The following TAF4 variants were observed in gnomAD, a reference collection of about 807,000 sequenced individuals.
TAF4 encodes transcription initiation factor TFIID subunit 4.
In TAF4, 9 loss-of-function variants were observed where a neutral mutation model predicts 90.3. The observed-to-expected ratio is 0.10, with a 90% CI of 0.06 to 0.17. TAF4 has a LOEUF of 0.17. Ranked by LOEUF, TAF4 falls within the 10% of genes least tolerant of loss-of-function variation. TAF4 has a pLI of 1.00. For missense variants in TAF4, 1,351 were observed against 1,370.7 expected (o/e 0.99, Z 0.23); for synonymous variants, 818 against 638.9 (o/e 1.28, Z -4.23).
At chr20:62,041,454 C>T (rs1257453926) in intron 1 of TAF4, among the ~76,000 whole-genome samples, 2 of 151,978 alleles carry the variant, frequency 1.3e-5, no homozygotes, top group Non-Finnish European at 2.9e-5. Flanking sequence ...AGGGTGAAAC[C>T]CCATCTCTAC....
chr20:62,034,874 A>C (rs1291724124), intron 1 of TAF4, among the ~76,000 whole-genome samples: 1 of 146,420 alleles, frequency 6.8e-6, no homozygotes, highest in Non-Finnish European at 1.5e-5. Context: ...AGGCTGGAGT[A>C]CAGTGGCGCA....
intron 1 of TAF4, among the ~76,000 whole-genome samples, chr20:62,043,695 A>C (rs976868012): frequency 1.3e-5 from 2 of 152,110 alleles, no homozygotes; most frequent in African/African-American, 4.8e-5. Context: ...TCGTGTTACA[A>C]CTGTACACGT....
intron 9 of TAF4, among the ~76,000 whole-genome samples, chr20:62,002,526 T>G (rs1212384191): frequency 6.6e-6 from 1 of 152,322 alleles, no homozygotes; most frequent in African/African-American, 2.4e-5. Context: ...GGCCTCACTC[T>G]GTCACCGACG....
intron 1 of TAF4, among the ~76,000 whole-genome samples, chr20:62,021,298 T>C (rs976945752): frequency 1.3e-5 from 2 of 152,138 alleles, no homozygotes; most frequent in Non-Finnish European, 2.9e-5. Flanking sequence ...CCAGGAAACA[T>C]GGGACTGAAC....
At chr20:62,036,130 T>C (rs2055931495) in intron 1 of TAF4, among the ~76,000 whole-genome samples, 1 of 152,098 alleles carries the variant, frequency 6.6e-6, no homozygotes, top group Non-Finnish European at 1.5e-5. Flanking sequence ...TTCAAGCGAT[T>C]CTCCTGCCTC....
chr20:62,049,294 G>A (rs1373843793), intron 1 of TAF4, among the ~76,000 whole-genome samples: 1 of 152,166 alleles, frequency 6.6e-6, no homozygotes, highest in South Asian at 2.1e-4. Context: ...TGTCCAGGAA[G>A]TGGATCCCAA....
intron 5 of TAF4, among the ~76,000 whole-genome samples, chr20:62,008,535 G>C (rs2055760418): frequency 6.7e-6 from 1 of 150,222 alleles, no homozygotes; most frequent in East Asian, 2.0e-4. Context: ...CTGCGACAGA[G>C]GTTTCGGGAG....
chr20:61,998,438 T>A (rs1226538421), intron 12 of TAF4, among the ~76,000 whole-genome samples: 1 of 152,182 alleles, frequency 6.6e-6, no homozygotes, highest in African/African-American at 2.4e-5. Flanking sequence ...CATCTACCAA[T>A]CGCAGGCTCT....
At position 62,006,222 on chromosome 20, in the gene TAF4, G is replaced by A. The variant is rs559172892; in HGVS notation, c.2223+288C>T. The A allele has an allele frequency of 2.6e-5, 8 of 311,900 alleles. No homozygotes were observed. Among genetic ancestry groups the A allele is most frequent in the South Asian group, 2.9e-4 (2 of 6,840 alleles). 19.3% of individuals were successfully genotyped at this position (311,900 alleles called of 1,614,324 possible). On this transcript the variant is annotated intron_variant, in intron 7 of 14. Coordinates refer to ENST00000252996, the MANE Select transcript of TAF4 (RefSeq NM_003185.4). The surrounding 1 kb of genome is among the most constrained non-coding windows in gnomAD (Gnocchi z 7.0). ...TATCTACAAGATCCTCTAAAAGCAC[G>A]CTGCATTCATTTACACCAGTAACAT...
Position 62,064,743 on chromosome 20 carries a change from C to CA in TAF4, c.1067_1068insT (p.Ala357GlyfsTer105). On this transcript the variant is annotated frameshift_variant, in exon 1 of 15. Coordinates refer to ENST00000252996, the MANE Select transcript of TAF4 (RefSeq NM_003185.4). LOFTEE classifies it high-confidence loss of function. ...CGCTGGCCGCCAGGGTCTGCGCCGC[C>CA]GGGGGCGCCGCCTGCACCACCCTCT... 8.6e-7 allele frequency: 1 copy of CA among 1,168,534 alleles called. No individual in the cohort carries two copies. Among genetic ancestry groups the CA allele is most frequent in the Non-Finnish European group, 1.0e-6 (1 of 952,660 alleles). The allele number at this position is 1,168,534 out of a possible 1,614,324, so 72.4% of individuals were successfully genotyped here. A position where few individuals can be genotyped will look rare whatever the true frequency, so the allele number is the denominator to read the frequency against.
At chr20:61,997,479 C>G in intron 14 of TAF4, 71 bp downstream of exon 14, 1 of 1,413,088 alleles carries the variant, frequency 7.1e-7, no homozygotes, top group Non-Finnish European at 9.3e-7. Context: ...GTGTCCGTCC[C>G]CTAGAAGAGG....
In TAF4 at chr20:62,006,188, G is replaced by C. The variant is rs966900814; in HGVS notation, c.2223+322C>G. The stretch of plus-strand genomic sequence containing the variant: ...GCTTGGACCGCTGCTCCTAATCCAA[G>C]AGAACATCTATCTACAAGATCCTCT... On this transcript the variant is annotated intron_variant, in intron 7 of 14. Coordinates refer to ENST00000252996, the MANE Select transcript of TAF4 (RefSeq NM_003185.4). This position sits in a 1 kb window ranked among gnomAD's most constrained non-coding sequence, Gnocchi z 7.0. The C allele has an allele frequency of 4.4e-6, 1 of 226,006 alleles. No homozygotes were observed. Among genetic ancestry groups the C allele is most frequent in the Admixed American group, 5.8e-5 (1 of 17,262 alleles). 14.0% of individuals were successfully genotyped at this position (226,006 alleles called of 1,614,324 possible).
chr20:62,018,429 C>A (rs149774661), intron 1 of TAF4, among the ~76,000 whole-genome samples: 1 of 152,254 alleles, frequency 6.6e-6, no homozygotes, highest in African/African-American at 2.4e-5. Flanking sequence ...AGTGCAACTC[C>A]GTCTCAAGAC....
chr20:62,020,377 C>T (rs941083744), intron 1 of TAF4, among the ~76,000 whole-genome samples: 7 of 152,250 alleles, frequency 4.6e-5, no homozygotes, highest in African/African-American at 1.2e-4. Context: ...CGGAGCCAGG[C>T]GCTGAACAGT....
At position 62,000,672 on chromosome 20, in the gene TAF4, A is replaced by T; in HGVS notation, c.2536T>A (p.Ser846Thr). ...DVASMAGVNL[S>T]EESARILATN... ...GCTAATATTCTTGCACTTTCTTCTG[A>T]CAAGTTTACTCCAGCCATCGATGCA... The change falls in exon 10 of 15, where the codon TCA becomes ACA. Residue 846 changes from serine (S) to threonine (T), a missense_variant. Around this residue, in one of 9 missense-constraint regions of TAF4, gnomAD observed 95 missense variants for 151.3 expected, o/e 0.63. Transcript: ENST00000252996. 1 of 1,614,246 alleles carries T rather than the reference A, an allele frequency of 6.2e-7. No individual in the cohort carries two copies.
At chr20:62,052,975 G>A (rs981360367) in intron 1 of TAF4, among the ~76,000 whole-genome samples, 10 of 151,154 alleles carry the variant, frequency 6.6e-5, no homozygotes, top group Non-Finnish European at 1.2e-4. Context: ...GGTCCCTTCC[G>A]CCACCCCCCA....
rs563065285 is a variant in TAF4, at chr20:61,983,601, G to A, written c.3091-7266C>T. On this transcript the variant is annotated intron_variant, in intron 14 of 14. Transcript: ENST00000252996. ...TCCTTCTTAAGCCCAGAAAGTCAAA[G>A]TTGCAGTGAGCTATGATCACGCCAC... is the stretch of plus-strand genomic sequence containing the variant. Among the ~76,000 whole-genome samples the A allele has an allele frequency of 7.6e-4, 116 of 152,294 alleles. 4 individuals are homozygous for A. In the South Asian group the frequency reaches 0.024, roughly 31 times the overall value.
rs2055743480 is a variant in TAF4 at position 62,006,121 on chromosome 20, AG to A, written c.2223+388del. ...TGCTGTGAGCTGCTACCCTGCCTCC[AG>A]TCTCCTGCCCACCTGTCCCACGCAG... On this transcript the variant is annotated intron_variant, in intron 7 of 14. Transcript: ENST00000252996. This position sits in a 1 kb window ranked among gnomAD's most constrained non-coding sequence, Gnocchi z 7.0. The A allele has an allele frequency of 6.0e-6, 1 of 166,014 alleles. No homozygotes were observed. Among genetic ancestry groups the A allele is most frequent in the Admixed American group, 6.4e-5 (1 of 15,578 alleles). 10.3% of individuals were successfully genotyped at this position (166,014 alleles called of 1,614,324 possible). A position where few individuals can be genotyped will look rare whatever the true frequency, so the allele number is the denominator to read the frequency against.
At chr20:62,030,398 C>T (rs2055898346) in intron 1 of TAF4, among the ~76,000 whole-genome samples, 3 of 152,190 alleles carry the variant, frequency 2.0e-5, no homozygotes, top group African/African-American at 4.8e-5. Flanking sequence ...CGCTTTCATG[C>T]GTAGACAGAC....
Sources: allele counts gnomAD v4.1 joint callset (sites outside exome capture counted in the v4.1 genomes callset), GRCh38; gene constraint gnomAD v4.1.1; regional missense constraint gnomAD v4.1.1; non-coding constraint Gnocchi (gnomAD v3.1); transcripts MANE v1.5; gene names NCBI Gene and HGNC (gene_info 2026-07-23, HGNC 2026-07-21).